MAGI1: variants seen among roughly 807,000 people sequenced by gnomAD.
MAGI1 encodes membrane-associated guanylate kinase, WW and PDZ domain-containing protein 1.
In MAGI1, 58 loss-of-function variants were observed where a neutral mutation model predicts 139.9. That is an observed-to-expected ratio of 0.41 (90% CI 0.34 to 0.52). The LOEUF is 0.52. MAGI1 is among the 20% of genes least tolerant of loss of function. The pLI, the probability that MAGI1 is intolerant of heterozygous loss-of-function variation, is 0.12. For synonymous variants in MAGI1, 812 were observed against 737.9 expected, an observed-to-expected ratio of 1.10 and a Z score of -1.63; for missense variants, 1,874 against 1,901.6, an observed-to-expected ratio of 0.99 and a Z score of 0.27.
intron 1 of MAGI1, among the ~76,000 whole-genome samples, chr3:65,750,522 C>T (rs1167039660): frequency 6.6e-6 from 1 of 152,142 alleles, no homozygotes; most frequent in Non-Finnish European, 1.5e-5. Context: ...TTAACAAATA[C>T]TGGTTCACAC....
rs941054201 is a variant in MAGI1 at position 65,848,697 on chromosome 3, T to C, written c.313+189299A>G. On this transcript the variant is annotated intron_variant, in intron 1 of 22. Coordinates refer to ENST00000402939, the MANE Select transcript of MAGI1 (RefSeq NM_001033057.2). ...GCTTAGCAGTTAAACACCTGGGTCC[T>C]AGACCCAGATAGGCCTGAGTTTGAG... Among the ~76,000 whole-genome samples the C allele has an allele frequency of 8.5e-5, 13 of 152,168 alleles. 1 individual carries two copies. The highest frequency in any genetic ancestry group is 8.5e-4 in the Admixed American group (13 of 15,280).
chr3:65,814,552 C>T (rs2041483361), intron 1 of MAGI1, among the ~76,000 whole-genome samples: 2 of 152,170 alleles, frequency 1.3e-5, no homozygotes, highest in Non-Finnish European at 1.5e-5. Flanking sequence ...AGTCTTTGAA[C>T]TACATAATTT....
At chr3:65,919,548 C>G (rs1183629693) in intron 1 of MAGI1, among the ~76,000 whole-genome samples, 9 of 151,228 alleles carry the variant, frequency 6.0e-5, no homozygotes, top group Non-Finnish European at 8.8e-5. Flanking sequence ...GGTGACAGAG[C>G]AAGACCCTGT....
chr3:65,396,609 T>A (rs973143019), intron 13 of MAGI1, among the ~76,000 whole-genome samples: 1 of 152,208 alleles, frequency 6.6e-6, no homozygotes, highest in Non-Finnish European at 1.5e-5. Context: ...AGACAGCACT[T>A]AGGAGCTTAA....
chr3:65,971,894 A>G (rs914653508), intron 1 of MAGI1, among the ~76,000 whole-genome samples: 3 of 152,232 alleles, frequency 2.0e-5, no homozygotes, highest in African/African-American at 4.8e-5. Context: ...CAAGAGCTCA[A>G]TGGAGTTTCC....
intron 1 of MAGI1, among the ~76,000 whole-genome samples, chr3:65,786,739 G>T (rs2039419177): frequency 6.6e-6 from 1 of 150,896 alleles, no homozygotes; most frequent in Non-Finnish European, 1.5e-5. Context: ...AGCCTCCCTA[G>T]TAGCTGGGAC....
chr3:65,971,702 CA>C (rs1444284137), intron 1 of MAGI1, among the ~76,000 whole-genome samples: 1 of 152,232 alleles, frequency 6.6e-6, no homozygotes, highest in Non-Finnish European at 1.5e-5. Context: ...TCATCACTTC[CA>C]CAAGACACAG....
chr3:65,602,894 G>A (rs1400858837), intron 2 of MAGI1, among the ~76,000 whole-genome samples: 1 of 151,632 alleles, frequency 6.6e-6, no homozygotes, highest in Admixed American at 6.6e-5. Context: ...TCAACCTTAG[G>A]AGCAAAAAAG....
chr3:65,645,989 AAGAATAAGAC>A (rs1465367697), intron 1 of MAGI1, among the ~76,000 whole-genome samples: 8 of 152,082 alleles, frequency 5.3e-5, no homozygotes, highest in African/African-American at 1.9e-4. Context: ...AAGAAAATAA[AAGAATAAGAC>A]AGAATAAATG....
intron 1 of MAGI1, among the ~76,000 whole-genome samples, chr3:65,811,770 G>T (rs1182922228): frequency 6.6e-6 from 1 of 151,772 alleles, no homozygotes; most frequent in Admixed American, 6.6e-5. Context: ...CTAAGTACCA[G>T]TCCATTCTTG....
intron 1 of MAGI1, among the ~76,000 whole-genome samples, chr3:65,958,003 C>T (rs978896223): frequency 6.6e-6 from 1 of 152,106 alleles, no homozygotes; most frequent in African/African-American, 2.4e-5. Context: ...AGGTGATACA[C>T]CCGCCTCAGC....
intron 14 of MAGI1, among the ~76,000 whole-genome samples, chr3:65,388,447 A>G (rs1943622780): frequency 6.6e-6 from 1 of 152,152 alleles, no homozygotes; most frequent in East Asian, 1.9e-4. Context: ...AGGGAATCAC[A>G]TCTAACAAGG....
intron 1 of MAGI1, among the ~76,000 whole-genome samples, chr3:65,832,224 A>C (rs762331074): frequency 6.6e-6 from 1 of 152,110 alleles, no homozygotes; most frequent in Non-Finnish European, 1.5e-5. Context: ...GGCAGAAATG[A>C]TGTCTCCCAA....
intron 1 of MAGI1, among the ~76,000 whole-genome samples, chr3:66,000,142 T>C (rs770015660): frequency 3.3e-5 from 5 of 151,752 alleles, no homozygotes; most frequent in Non-Finnish European, 5.9e-5. Context: ...CCGGCTAATT[T>C]TCTTTTTGTA....
intron 1 of MAGI1, among the ~76,000 whole-genome samples, chr3:66,017,366 C>G (rs1194099457): frequency 6.6e-6 from 1 of 152,252 alleles, no homozygotes; most frequent in Non-Finnish European, 1.5e-5. Flanking sequence ...GCACCAACGT[C>G]TCCCTCCCAA....
intron 1 of MAGI1, among the ~76,000 whole-genome samples, chr3:65,669,457 A>T (rs1376702597): frequency 3.9e-5 from 6 of 152,192 alleles, no homozygotes; most frequent in Admixed American, 3.9e-4. Flanking sequence ...CACTCTCATA[A>T]TAAGCAGATG....
intron 1 of MAGI1, among the ~76,000 whole-genome samples, chr3:65,849,635 G>A (rs754951775): frequency 1.2e-4 from 18 of 151,986 alleles, no homozygotes; most frequent in Non-Finnish European, 1.8e-4. Context: ...TACTTCATAA[G>A]CTGGTTGTAA....
chr3:65,369,057 C>G (rs1469192172), intron 18 of MAGI1, among the ~76,000 whole-genome samples: 2 of 152,090 alleles, frequency 1.3e-5, no homozygotes, highest in African/African-American at 4.8e-5. Context: ...TCTCTGGGCC[C>G]TTCTGTGCTG....
At chr3:65,468,556 A>G (rs1202070533) in intron 5 of MAGI1, among the ~76,000 whole-genome samples, 1 of 151,272 alleles carries the variant, frequency 6.6e-6, no homozygotes, top group East Asian at 2.0e-4. Context: ...TTGTATTTTT[A>G]AATAGAGATG....
Sources: gnomAD v4.1 joint callset for allele counts (sites outside exome capture counted in the v4.1 genomes callset) on GRCh38, gnomAD v4.1.1 for gene constraint, MANE v1.5 for transcripts, NCBI Gene and HGNC (gene_info 2026-07-23, HGNC 2026-07-21) for gene names.